The following CBX5 variants were observed in gnomAD, a reference collection of about 807,000 sequenced individuals.
The protein encoded by CBX5 is chromobox 5.
In CBX5, 7 loss-of-function variants were observed where a neutral mutation model predicts 20.7. That is an observed-to-expected ratio of 0.34 (90% CI 0.19 to 0.63). The LOEUF is 0.63. CBX5 is among the 30% of genes least tolerant of loss of function. The probability of loss-of-function intolerance (pLI) is 0.75; values close to 1 mark genes in which losing one functional copy is unlikely to be tolerated. For missense variants in CBX5, 110 were observed against 224.1 expected (o/e 0.49, Z 3.25); for synonymous variants, 78 against 77.0 (o/e 1.01, Z -0.07).
At chr12:54,246,371 A>G (rs577580294) in intron 3 of CBX5, among the ~76,000 whole-genome samples, 156 bp from the exon 4 acceptor site, 1 of 152,364 alleles carries the variant, frequency 6.6e-6, no homozygotes, top group East Asian at 1.9e-4. Flanking sequence ...CTAAGTACTG[A>G]CAGTGACAAT....
chr12:54,263,891 A>G (rs1291799102), intron 1 of CBX5, among the ~76,000 whole-genome samples: 1 of 151,742 alleles, frequency 6.6e-6, no homozygotes, highest in East Asian at 1.9e-4. Flanking sequence ...AAAATACAAA[A>G]AATTAGCCAG....
chr12:54,261,721 A>G (rs1244615902), intron 1 of CBX5, among the ~76,000 whole-genome samples: 1 of 152,232 alleles, frequency 6.6e-6, no homozygotes, highest in Non-Finnish European at 1.5e-5. Flanking sequence ...AAAAACAATA[A>G]CAAACATTTA....
intron 1 of CBX5, among the ~76,000 whole-genome samples, chr12:54,261,584 T>C (rs954041451): frequency 6.6e-5 from 10 of 152,204 alleles, no homozygotes; most frequent in African/African-American, 1.9e-4. Flanking sequence ...CATGAGACAC[T>C]GCACCCGGCC....
At chr12:54,261,479 C>T (rs1943915720) in intron 1 of CBX5, among the ~76,000 whole-genome samples, 1 of 151,692 alleles carries the variant, frequency 6.6e-6, no homozygotes, top group East Asian at 2.0e-4. Context: ...GTATTTTTAG[C>T]AGAGATGGGG....
chr12:54,268,265 G>C (rs1009669456), intron 1 of CBX5, among the ~76,000 whole-genome samples: 1 of 152,150 alleles, frequency 6.6e-6, no homozygotes, highest in African/African-American at 2.4e-5. Flanking sequence ...AATGGGTGAT[G>C]ACAGGAGAAA....
In CBX5 at chr12:54,241,502, G is replaced by A. The variant is rs1010532983; in HGVS notation, c.*253C>T. On this transcript the variant is annotated 3_prime_UTR_variant, in exon 5 of 5. Coordinates refer to ENST00000209875, the MANE Select transcript of CBX5 (RefSeq NM_012117.3). Reference sequence around the variant, plus strand: ...AGGGAAGCAGAAGGAAGAGATCAGGGCAAAGGAAAAAAAAATTGTGGGTAT... The same window carrying A: ...AGGGAAGCAGAAGGAAGAGATCAGGACAAAGGAAAAAAAAATTGTGGGTAT... 5.0e-6 allele frequency: 2 copies of A among 400,004 alleles called. No homozygotes were observed. Among genetic ancestry groups the A allele is most frequent in the African/African-American group, 4.2e-5 (2 of 47,942 alleles). 24.8% of individuals were successfully genotyped at this position (400,004 alleles called of 1,614,324 possible).
rs944248811 is a variant in CBX5, at chr12:54,231,015, G to T, written c.*10740C>A. The T allele has an allele frequency of 6.6e-6, 1 of 152,164 alleles. No individual in the cohort carries two copies. The highest frequency in any genetic ancestry group is 1.5e-5 in the Non-Finnish European group (1 of 68,036). 9.4% of individuals were successfully genotyped at this position (152,164 alleles called of 1,614,324 possible). On this transcript the variant is annotated 3_prime_UTR_variant, in exon 5 of 5. Coordinates refer to ENST00000209875, the MANE Select transcript of CBX5 (RefSeq NM_012117.3). Reference sequence around the variant, plus strand: ...AGGGGGAAAAGAGGAGGGTAGAAGAGGGGGAGAGAATGAGGTCTGCATCAG... The same window carrying T: ...AGGGGGAAAAGAGGAGGGTAGAAGATGGGGAGAGAATGAGGTCTGCATCAG...
chr12:54,248,530 G>A (rs756343918), intron 3 of CBX5, among the ~76,000 whole-genome samples: 2 of 152,128 alleles, frequency 1.3e-5, no homozygotes, highest in African/African-American at 2.4e-5. Flanking sequence ...CATTCCACGC[G>A]TGGATCAATG....
rs1231614863 is a variant in CBX5, at chr12:54,246,117, T to C, written c.423A>G (p.Lys141=). ...DSCGDLMFLM[K]WKDTDEADLV... is the part of the protein sequence containing the mutation. ...AAGCGAAGCCAAATCTCTCTCACCATTTCATTAGGAACATTAAATCACCAC... is the reference window on the plus strand; with the variant it reads ...AAGCGAAGCCAAATCTCTCTCACCACTTCATTAGGAACATTAAATCACCAC... Residue 141 remains lysine, a splice_region_variant and synonymous_variant, in exon 4 of 5, where the codon AAA becomes AAG. Coordinates refer to ENST00000209875, the MANE Select transcript of CBX5 (RefSeq NM_012117.3). 1 of 1,605,232 alleles carries C rather than the reference T, an allele frequency of 6.2e-7. No individual in the cohort carries two copies. The highest frequency in any genetic ancestry group is 2.2e-5 in the East Asian group (1 of 44,836).
At chr12:54,261,682 CCTTTT>C in intron 1 of CBX5, among the ~76,000 whole-genome samples, 1 of 99,642 alleles carries the variant, frequency 1.0e-5, no homozygotes, top group Non-Finnish European at 1.8e-5. Context: ...TCAACTCTTA[CCTTTT>C]AACTTTTCAT....
chr12:54,263,910 GCGGGAGC>G (rs1943936190), intron 1 of CBX5, among the ~76,000 whole-genome samples: 1 of 151,890 alleles, frequency 6.6e-6, no homozygotes, highest in Non-Finnish European at 1.5e-5. Flanking sequence ...AGATGTGGTG[GCGGGAGC>G]CTGTAGTCCC....
rs565679057 is a variant in CBX5, at chr12:54,231,501, T to C, written c.*10254A>G. The C allele has an allele frequency of 6.5e-4, 100 of 154,764 alleles. 1 individual carries two copies. The South Asian group carries it at 0.012, about 18-fold the overall frequency. The allele number at this position is 154,764 out of a possible 1,614,324, so 9.6% of individuals were successfully genotyped here. A position where few individuals can be genotyped will look rare whatever the true frequency, so the allele number is the denominator to read the frequency against. On this transcript the variant is annotated 3_prime_UTR_variant, in exon 5 of 5. Coordinates refer to ENST00000209875, the MANE Select transcript of CBX5 (RefSeq NM_012117.3). ...CCACAAAACACAGAGAACCAGAATG[T>C]GACCGCAAGGAGCCAGGACCTTGTG...
chr12:54,251,199 G>A (rs1050504671), intron 3 of CBX5, among the ~76,000 whole-genome samples: 10 of 151,888 alleles, frequency 6.6e-5, no homozygotes, highest in East Asian at 1.9e-4. Context: ...GGTGGCTCAC[G>A]TCTATAATCT....
At chr12:54,257,791 T>C (rs923568806) in intron 1 of CBX5, 99 bp from the exon 2 acceptor site, 5 of 781,608 alleles carry the variant, frequency 6.4e-6, no homozygotes, top group South Asian at 1.8e-5. Context: ...TGAGTTGCCA[T>C]GTGCCCTGCT....
chr12:54,265,840 AG>A (rs776316649), intron 1 of CBX5, among the ~76,000 whole-genome samples: 7 of 152,036 alleles, frequency 4.6e-5, no homozygotes, highest in Admixed American at 6.6e-5. Flanking sequence ...TGACGTCAGG[AG>A]TTCAAGACCA....
chr12:54,241,558 CAGAG>C lies in CBX5; in HGVS notation c.*193_*196del. On this transcript the variant is annotated 3_prime_UTR_variant, in exon 5 of 5. Coordinates refer to ENST00000209875, the MANE Select transcript of CBX5 (RefSeq NM_012117.3). ...TCAGTATGTAAATGCCTGGTCTTCA[CAGAG>C]AGACACTTATCATTAATCAGACCAT... The C allele has an allele frequency of 1.8e-6, 1 of 560,084 alleles. No homozygotes were observed. Among genetic ancestry groups the C allele is most frequent in the South Asian group, 2.6e-5 (1 of 39,026 alleles). 34.7% of individuals were successfully genotyped at this position (560,084 alleles called of 1,614,324 possible). A position where few individuals can be genotyped will look rare whatever the true frequency, so the allele number is the denominator to read the frequency against.
intron 3 of CBX5, among the ~76,000 whole-genome samples, chr12:54,248,858 C>T (rs1332771897): frequency 6.6e-6 from 1 of 152,190 alleles, no homozygotes; most frequent in Admixed American, 6.5e-5. Context: ...CAATCCCCTC[C>T]TATACCTTTA....
intron 4 of CBX5, among the ~76,000 whole-genome samples, chr12:54,244,629 T>G (rs537481902): frequency 9.9e-5 from 15 of 151,776 alleles, no homozygotes; most frequent in Non-Finnish European, 1.8e-4. Flanking sequence ...TCCCAGCTAC[T>G]TGGGAGGCTG....
chr12:54,251,276 T>C (rs999713472), intron 3 of CBX5, among the ~76,000 whole-genome samples: 2 of 151,924 alleles, frequency 1.3e-5, no homozygotes, highest in African/African-American at 2.4e-5. Flanking sequence ...CTGACCAACA[T>C]GGCGAAACCC....
Sources: allele counts gnomAD v4.1 joint callset (sites outside exome capture counted in the v4.1 genomes callset), GRCh38; gene constraint gnomAD v4.1.1; transcripts MANE v1.5; gene names NCBI Gene and HGNC (gene_info 2026-07-23, HGNC 2026-07-21).